The following DNAJC25 variants were observed in gnomAD, a reference collection of about 807,000 sequenced individuals.
DNAJC25 encodes dnaJ homolog subfamily C member 25.
In DNAJC25, 26 loss-of-function variants were observed where a neutral mutation model predicts 42.1. That is an observed-to-expected ratio of 0.62 (90% CI 0.45 to 0.86). The LOEUF is 0.86. Among genes scored for constraint, DNAJC25 ranks in the 40% least tolerant of loss-of-function variants. The probability of loss-of-function intolerance (pLI) is 0.00; values close to 1 mark genes in which losing one functional copy is unlikely to be tolerated. For synonymous variants in DNAJC25, 189 were observed against 179.9 expected (o/e 1.05, Z -0.40); for missense variants, 404 against 459.4 (o/e 0.88, Z 1.10).
rs184903282 is a variant in DNAJC25, at chr9:111,653,414, A to G, written c.*192A>G. 3.2e-5 allele frequency: 17 copies of G among 535,732 alleles called. No homozygotes were observed. Among genetic ancestry groups the G allele is most frequent in the Admixed American group, 1.4e-4 (3 of 21,974 alleles). The allele number at this position is 535,732 out of a possible 1,614,324, so 33.2% of individuals were successfully genotyped here. On this transcript the variant is annotated 3_prime_UTR_variant, in exon 4 of 4. Coordinates refer to ENST00000313525, the MANE Select transcript of DNAJC25 (RefSeq NM_001015882.3). ...TACATAAGACATTTATGATTGTTCA[A>G]TTTTTATAATCTATTTGTGGATTTT...
intron 1 of DNAJC25, among the ~76,000 whole-genome samples, chr9:111,645,938 A>G (rs984269599): frequency 6.6e-6 from 1 of 151,804 alleles, no homozygotes. Context: ...TGCAAATACA[A>G]TTTTTTTTAT....
chr9:111,633,619 G>A (rs1206857353), intron 1 of DNAJC25, among the ~76,000 whole-genome samples: 1 of 152,160 alleles, frequency 6.6e-6, no homozygotes, highest in Non-Finnish European at 1.5e-5. Flanking sequence ...CTTCTGCTGG[G>A]CTTTGTAGGA....
chr9:111,644,792 A>G (rs1406552533), intron 1 of DNAJC25, among the ~76,000 whole-genome samples: 1 of 152,272 alleles, frequency 6.6e-6, no homozygotes, highest in East Asian at 1.9e-4. Context: ...CGGCATTTCT[A>G]TAAAATTAGC....
At chr9:111,641,487 G>C in intron 1 of DNAJC25, among the ~76,000 whole-genome samples, 1 of 86,992 alleles carries the variant, frequency 1.1e-5, no homozygotes, top group Non-Finnish European at 2.2e-5. Context: ...GGGAAGTGAG[G>C]AGCCCCTCTG....
chr9:111,633,824 C>T (rs1830324185), intron 1 of DNAJC25, among the ~76,000 whole-genome samples: 1 of 152,182 alleles, frequency 6.6e-6, no homozygotes, highest in African/African-American at 2.4e-5. Flanking sequence ...GGTTTCTACC[C>T]CTAAAGTTTA....
At position 111,654,174 on chromosome 9, in the gene DNAJC25, A is replaced by G. The variant is rs1029874316; in HGVS notation, c.*952A>G. ...TACATGGCTGTGTGCTCTTCTGTCA[A>G]CCAATGAAATGTGTTTTCACATGTG... On this transcript the variant is annotated 3_prime_UTR_variant, in exon 4 of 4. Coordinates refer to ENST00000313525, the MANE Select transcript of DNAJC25 (RefSeq NM_001015882.3). 3 of 152,364 alleles carry G rather than the reference A, an allele frequency of 2.0e-5. No homozygotes were observed. Among genetic ancestry groups the G allele is most frequent in the East Asian group, 1.9e-4 (1 of 5,192 alleles). The allele number at this position is 152,364 out of a possible 1,614,324, so 9.4% of individuals were successfully genotyped here.
In DNAJC25 at chr9:111,631,668, C is replaced by A; in HGVS notation, c.261C>A (p.Asp87Glu). The change falls in exon 1 of 4, where the codon GAC (aspartate) becomes GAA (glutamate). Residue 87 changes from aspartate (D) to glutamate (E), a missense_variant. Asp to Glu is a conservative substitution (Grantham distance 45, BLOSUM62 2). Transcript: ENST00000313525. ...HPDRYRPQPG[D>E]EGPGRTPQSA... ...ACCGCTACCGGCCCCAGCCCGGAGA[C>A]GAGGGCCCCGGGCGGACGCCGCAGA... The A allele has an allele frequency of 6.6e-7, 1 of 1,521,714 alleles. No homozygotes were observed. The highest frequency in any genetic ancestry group is 8.8e-7 in the Non-Finnish European group (1 of 1,141,208). The allele number at this position is 1,521,714 out of a possible 1,614,324, so 94.3% of individuals were successfully genotyped here.
At chr9:111,652,794 G>A (rs934082780) in intron 3 of DNAJC25, among the ~76,000 whole-genome samples, 7 of 151,870 alleles carry the variant, frequency 4.6e-5, no homozygotes, top group Non-Finnish European at 8.8e-5. Flanking sequence ...TGATCCACCC[G>A]CCTTGGCCTC....
chr9:111,644,055 A>T (rs1830528688), intron 1 of DNAJC25, among the ~76,000 whole-genome samples: 1 of 152,216 alleles, frequency 6.6e-6, no homozygotes, highest in African/African-American at 2.4e-5. Context: ...CATTTTGGAG[A>T]GAAAGCTTTA....
At chr9:111,634,927 A>G (rs1223465836) in intron 1 of DNAJC25, among the ~76,000 whole-genome samples, 1 of 152,246 alleles carries the variant, frequency 6.6e-6, no homozygotes, top group Non-Finnish European at 1.5e-5. Context: ...TCATGCTTTC[A>G]CCAAGTCATG....
chr9:111,649,607 G>A lies in DNAJC25; in HGVS notation c.644G>A (p.Arg215His), dbSNP rs768953133. The A allele has an allele frequency of 6.8e-6, 11 of 1,614,068 alleles. No homozygotes were observed. Among genetic ancestry groups the A allele is most frequent in the East Asian group, 4.5e-5 (2 of 44,874 alleles). The change falls in exon 3 of 4, where the codon CGT (arginine) becomes CAT (histidine). Residue 215 changes from arginine to histidine, a missense_variant. Transcript: ENST00000313525. ...GKNKKSKEEI[R>H]DEEENIIKNI... is the part of the protein sequence containing the mutation. ...AACAAAAAGTCCAAAGAAGAAATTCGTGACGAGGAGGAGAACATCATAAAG... is the reference window on the plus strand; with the variant it reads ...AACAAAAAGTCCAAAGAAGAAATTCATGACGAGGAGGAGAACATCATAAAG...
At position 111,631,644 on chromosome 9, in the gene DNAJC25, C is replaced by T. The variant is rs1044253264; in HGVS notation, c.237C>T (p.Asp79=). 23 of 1,515,026 alleles carry T rather than the reference C, an allele frequency of 1.5e-5. No individual in the cohort carries two copies. In the African/African-American group the frequency reaches 3.0e-4, roughly 20 times the overall value. 93.8% of individuals were successfully genotyped at this position (1,515,026 alleles called of 1,614,324 possible). ...AGCTGGCCCGGCGCTACCACCCTGACCGCTACCGGCCCCAGCCCGGAGACG... is the reference window on the plus strand; with the variant it reads ...AGCTGGCCCGGCGCTACCACCCTGATCGCTACCGGCCCCAGCCCGGAGACG... ...YRQLARRYHP[D]RYRPQPGDEG... is the part of the protein sequence containing the mutation. Residue 79 remains aspartate (D), a synonymous_variant, in exon 1 of 4, where the codon GAC becomes GAT. Transcript: ENST00000313525.
rs1048340089 is a variant in DNAJC25, at chr9:111,649,324, C to CT, written c.490-126dup. 7.1e-6 allele frequency: 10 copies of CT among 1,409,030 alleles called. No individual in the cohort carries two copies. In the African/African-American group the frequency reaches 1.5e-4, roughly 21 times the overall value. The allele number at this position is 1,409,030 out of a possible 1,614,324, so 87.3% of individuals were successfully genotyped here. On this transcript the variant is annotated intron_variant, in intron 2 of 3. Coordinates refer to ENST00000313525, the MANE Select transcript of DNAJC25 (RefSeq NM_001015882.3). ...GTGTCTTTTACTTACAAAGTAAGAT[C>CT]TTTGAGATCCCTATTTTTAATTGTA...
intron 3 of DNAJC25, among the ~76,000 whole-genome samples, chr9:111,651,864 A>T (rs1048432221): frequency 2.0e-5 from 3 of 151,358 alleles, no homozygotes; most frequent in African/African-American, 7.3e-5. Flanking sequence ...AAAAAAAAAA[A>T]GTTGCATAAA....
rs959196735 is a variant in DNAJC25 at position 111,648,976 on chromosome 9, CT to C, written c.490-475del. Among the ~76,000 whole-genome samples, 9 of 152,180 alleles carry C rather than the reference CT, an allele frequency of 5.9e-5. No homozygotes were observed. The East Asian group carries it at 1.5e-3, about 26-fold the overall frequency. ...TGCCACTGTGATATATGCAGATTGG[CT>C]TAGGAAAAGAGATGGGAATGAATGT... On this transcript the variant is annotated intron_variant, in intron 2 of 3. Coordinates refer to ENST00000313525, the MANE Select transcript of DNAJC25 (RefSeq NM_001015882.3).
At chr9:111,640,855 C>G (rs1830445019) in intron 1 of DNAJC25, among the ~76,000 whole-genome samples, 2 of 126,716 alleles carry the variant, frequency 1.6e-5, no homozygotes, top group African/African-American at 6.6e-5. Context: ...AGCCCCCCGC[C>G]CGGCCAGCCG....
intron 2 of DNAJC25, among the ~76,000 whole-genome samples, chr9:111,648,203 G>A (rs1175641156): frequency 6.6e-6 from 1 of 151,992 alleles, no homozygotes; most frequent in Non-Finnish European, 1.5e-5. Flanking sequence ...CAAATGACTA[G>A]AATGAAGCAA....
intron 1 of DNAJC25, among the ~76,000 whole-genome samples, chr9:111,641,588 C>G (rs1181207894): frequency 9.0e-5 from 12 of 133,436 alleles, no homozygotes; most frequent in African/African-American, 3.7e-4. Context: ...GGGGGGTCGG[C>G]CCCCCGCCCG....
chr9:111,646,964 A>T, intron 1 of DNAJC25, 143 bp from the exon 2 acceptor site: 1 of 970,828 alleles, frequency 1.0e-6, no homozygotes, highest in African/African-American at 1.7e-5. Flanking sequence ...AGCAATGGGA[A>T]ATTTTTTGAT....
Sources: allele counts gnomAD v4.1 joint callset (sites outside exome capture counted in the v4.1 genomes callset), GRCh38; gene constraint gnomAD v4.1.1; transcripts MANE v1.5; gene names NCBI Gene and HGNC (gene_info 2026-07-23, HGNC 2026-07-21).